MPRIP: variants seen among roughly 807,000 people sequenced by gnomAD.
MPRIP encodes the protein myosin phosphatase Rho-interacting protein.
A neutral mutation model predicts 234.9 loss-of-function variants in MPRIP; 59 were observed. That is an observed-to-expected ratio of 0.25 (90% CI 0.20 to 0.31). The LOEUF is 0.31. Among genes scored for constraint, MPRIP ranks in the 10% least tolerant of loss-of-function variants. The pLI is 1.00. For missense variants in MPRIP, 2,436 were observed against 3,071.0 expected (o/e 0.79, Z 4.89); for synonymous variants, 1,144 against 1,263.9 (o/e 0.91, Z 2.01).
In MPRIP at chr17:17,150,128, T is replaced by C. The variant is rs368891009; in HGVS notation, c.1630-16T>C. On this transcript the variant is annotated splice_polypyrimidine_tract_variant and intron_variant, in intron 11 of 23. Transcript: ENST00000651222. ...ACTTCCTAAAAATCTCAAGACATTC[T>C]CACTTCCCTCGGCAGGCAGCCGACT... 104 of 1,605,362 alleles carry C rather than the reference T, an allele frequency of 6.5e-5. No individual in the cohort carries two copies. Among genetic ancestry groups the C allele is most frequent in the Non-Finnish European group, 8.4e-5 (98 of 1,172,942 alleles).
In MPRIP at chr17:17,167,450, G is replaced by A; in HGVS notation, c.5859G>A (p.Arg1953=). 1 of 1,304,238 alleles carries A rather than the reference G, an allele frequency of 7.7e-7. No homozygotes were observed. 80.8% of individuals were successfully genotyped at this position (1,304,238 alleles called of 1,614,324 possible). A position where few individuals can be genotyped will look rare whatever the true frequency, so the allele number is the denominator to read the frequency against. Residue 1953 remains arginine, a synonymous_variant, in exon 16 of 24, where the codon CGG becomes CGA. Coordinates refer to ENST00000651222, the MANE Select transcript of MPRIP (RefSeq NM_001364716.4). This position sits in a 1 kb window ranked among gnomAD's most constrained non-coding sequence, Gnocchi z 5.9. ...TLRGRYEEEI[R]CVVEQLTRTE... The stretch of plus-strand genomic sequence containing the variant: ...GGGGCAGGTATGAGGAGGAGATTCG[G>A]TGTGTGGTGGAGCAGCTGACCAGGA...
At chr17:17,121,886 C>A (rs1461036740) in intron 3 of MPRIP, among the ~76,000 whole-genome samples, 1 of 152,162 alleles carries the variant, frequency 6.6e-6, no homozygotes, top group African/African-American at 2.4e-5. Context: ...TCATTTAGCT[C>A]CCACTTACAA....
At chr17:17,174,690 C>A (rs2144681095) in intron 19 of MPRIP, among the ~76,000 whole-genome samples, 1 of 151,946 alleles carries the variant, frequency 6.6e-6, no homozygotes, top group African/African-American at 2.4e-5. Context: ...AAAAAATTAG[C>A]TGGGTGTGGT....
intron 3 of MPRIP, among the ~76,000 whole-genome samples, chr17:17,083,099 G>A (rs1158529765): frequency 6.6e-6 from 1 of 152,210 alleles, no homozygotes; most frequent in Non-Finnish European, 1.5e-5. Context: ...TCCTAGCCTG[G>A]AGAGTCCTTG....
At chr17:17,061,948 G>A (rs552770391) in intron 1 of MPRIP, among the ~76,000 whole-genome samples, 1 of 152,116 alleles carries the variant, frequency 6.6e-6, no homozygotes, top group South Asian at 2.1e-4. Flanking sequence ...GTTACCTAGG[G>A]TATGCTTGTG....
chr17:17,155,469 C>T (rs775580063), intron 13 of MPRIP, among the ~76,000 whole-genome samples: 4 of 152,114 alleles, frequency 2.6e-5, no homozygotes, highest in Non-Finnish European at 2.9e-5. Context: ...GTCTTGAACT[C>T]GTGACCTCAG....
In MPRIP at chr17:17,158,715, C is replaced by T. The variant is rs1367276093; in HGVS notation, c.2113C>T (p.Arg705Trp). 9 of 1,610,102 alleles carry T rather than the reference C, an allele frequency of 5.6e-6. No homozygotes were observed. The highest frequency in any genetic ancestry group is 2.1e-4 in the Middle Eastern group (1 of 4,838). The stretch of plus-strand genomic sequence containing the variant: ...TGGGGAGCTGGAGCGGGAGCGTGCA[C>T]GGAGGCGGGAGGAGCGCCGCAAGCG... ...EPGELERERA[R>W]RREERRKRFG... is the part of the protein sequence containing the mutation. Residue 705 changes from arginine (R) to tryptophan (W), a missense_variant, in exon 14 of 24, where the codon CGG (arginine) becomes TGG (tryptophan). This residue lies in a region of MPRIP where 1,998 missense variants were observed against 2,520.3 expected (regional missense o/e 0.79). Transcript: ENST00000651222.
intron 3 of MPRIP, among the ~76,000 whole-genome samples, chr17:17,122,003 T>A (rs1379573066): frequency 6.6e-6 from 1 of 152,250 alleles, no homozygotes; most frequent in Non-Finnish European, 1.5e-5. Context: ...CATTCTTTTT[T>A]ATGACTACAT....
At chr17:17,150,282 C>T (rs1183403502) in intron 12 of MPRIP, 49 bp downstream of exon 12, 1 of 1,406,200 alleles carries the variant, frequency 7.1e-7, no homozygotes, top group Admixed American at 1.7e-5. Context: ...GGCAGGGATG[C>T]ATGTCAGAGT....
rs775950065 is a variant in MPRIP at position 17,175,354 on chromosome 17, G to A, written c.6812G>A (p.Gly2271Asp). ...TRLRTLLTGDGGGEATGSPLA... is the reference protein window; with the variant it reads ...TRLRTLLTGDDGGEATGSPLA... ...TTGCGGACGCTGCTGACTGGGGACG[G>A]CGGTGGGGAGGCCACTGGGTCACCC... is the stretch of plus-strand genomic sequence containing the variant. The change falls in exon 20 of 24, where the codon GGC (glycine) becomes GAC (aspartate). Residue 2271 changes from glycine to aspartate, a missense_variant. Gly to Asp is a moderately conservative substitution (Grantham distance 94, BLOSUM62 -1). This residue lies in a region of MPRIP where 1,998 missense variants were observed against 2,520.3 expected (regional missense o/e 0.79). Transcript: ENST00000651222. 5 of 1,613,370 alleles carry A rather than the reference G, an allele frequency of 3.1e-6. No homozygotes were observed. Among genetic ancestry groups the A allele is most frequent in the Non-Finnish European group, 3.4e-6 (4 of 1,180,014 alleles).
At position 17,164,977 on chromosome 17, in the gene MPRIP, C is replaced by T; in HGVS notation, c.3386C>T (p.Ala1129Val). Residue 1129 changes from alanine (A) to valine (V), a missense_variant, in exon 16 of 24, where the codon GCT (alanine) becomes GTT (valine). Ala to Val is a moderately conservative substitution (Grantham distance 64). Around this residue, in one of 4 missense-constraint regions of MPRIP, gnomAD observed 1,998 missense variants for 2,520.3 expected, o/e 0.79. Coordinates refer to ENST00000651222, the MANE Select transcript of MPRIP (RefSeq NM_001364716.4). Reference protein sequence around the residue: ...ERVATSDEDVAELREKLRRRE... With the variant: ...ERVATSDEDVVELREKLRRRE... ...GTGGCCACGTCCGACGAGGATGTGG[C>T]TGAGCTCCGGGAAAAGCTGAGGAGA... is the stretch of plus-strand genomic sequence containing the variant. 1 of 1,302,876 alleles carries T rather than the reference C, an allele frequency of 7.7e-7. No individual in the cohort carries two copies. The highest frequency in any genetic ancestry group is 1.0e-6 in the Non-Finnish European group (1 of 988,856). 80.7% of individuals were successfully genotyped at this position (1,302,876 alleles called of 1,614,324 possible). A position where few individuals can be genotyped will look rare whatever the true frequency, so the allele number is the denominator to read the frequency against.
intron 16 of MPRIP, chr17:17,169,159 C>T (rs942034190): frequency 2.6e-6 from 1 of 382,846 alleles, no homozygotes; most frequent in South Asian, 1.9e-5. Flanking sequence ...GCTATGTTTT[C>T]AAAGTGTGTG....
At chr17:17,070,790 T>A (rs1000075510) in intron 1 of MPRIP, among the ~76,000 whole-genome samples, 6 of 152,252 alleles carry the variant, frequency 3.9e-5, no homozygotes, top group Non-Finnish European at 8.8e-5. Context: ...ACCTTCCTGG[T>A]TCTTGGTATG....
rs908952743 is a variant in MPRIP, at chr17:17,167,300, G to A, written c.5709G>A (p.Leu1903=). 5.4e-6 allele frequency: 7 copies of A among 1,303,948 alleles called. No homozygotes were observed. Among genetic ancestry groups the A allele is most frequent in the African/African-American group, 3.0e-5 (2 of 65,826 alleles). The allele number at this position is 1,303,948 out of a possible 1,614,324, so 80.8% of individuals were successfully genotyped here. Residue 1903 remains leucine, a synonymous_variant, in exon 16 of 24, where the codon CTG becomes CTA. Coordinates refer to ENST00000651222, the MANE Select transcript of MPRIP (RefSeq NM_001364716.4). The surrounding 1 kb of genome is among the most constrained non-coding windows in gnomAD (Gnocchi z 5.9). Reference sequence around the variant, plus strand: ...TCCGCAAGCAGAAGAGCGAGTACCTGGATGTGATCGCCATTGTTGAAAGGG... The same window carrying A: ...TCCGCAAGCAGAAGAGCGAGTACCTAGATGTGATCGCCATTGTTGAAAGGG... ...ELLRKQKSEY[L]DVIAIVEREN... is the part of the protein sequence containing the mutation.
chr17:17,172,940 G>A, intron 18 of MPRIP, 125 bp downstream of exon 18: 1 of 750,324 alleles, frequency 1.3e-6, no homozygotes, highest in Non-Finnish European at 2.2e-6. Context: ...GCCCCTGGGT[G>A]CTGAGGGCAG....
At chr17:17,043,826 C>T (rs1277193719) in intron 1 of MPRIP, among the ~76,000 whole-genome samples, 1 of 152,170 alleles carries the variant, frequency 6.6e-6, no homozygotes, top group East Asian at 1.9e-4. Context: ...CTTGTGTGCA[C>T]CTCCTTGGGA....
chr17:17,059,121 C>T (rs553902232), intron 1 of MPRIP, among the ~76,000 whole-genome samples: 58 of 152,278 alleles, frequency 3.8e-4, no homozygotes, highest in Admixed American at 2.0e-3. Flanking sequence ...TATGTAGTCA[C>T]GTAACATATA....
intron 17 of MPRIP, among the ~76,000 whole-genome samples, chr17:17,172,106 C>A (rs1408487176): frequency 1.3e-5 from 2 of 152,254 alleles, no homozygotes; most frequent in Non-Finnish European, 2.9e-5. Context: ...CGGCTGCACA[C>A]AAGGAGCTGT....
chr17:17,078,105 C>T lies in MPRIP; in HGVS notation c.267+29C>T, dbSNP rs1219740511. On this transcript the variant is annotated intron_variant, in intron 3 of 23. Transcript: ENST00000651222. The surrounding 1 kb of genome is among the most constrained non-coding windows in gnomAD (Gnocchi z 4.3). ...AGTGTTATCCTTGCCCACTCCCTGT[C>T]CCCAGCCTTCACCAAGTCCCTCCAT... The T allele has an allele frequency of 1.2e-6, 2 of 1,611,394 alleles. No homozygotes were observed. The highest frequency in any genetic ancestry group is 1.7e-6 in the Non-Finnish European group (2 of 1,177,724).
Sources: allele counts gnomAD v4.1 joint callset (sites outside exome capture counted in the v4.1 genomes callset), GRCh38; gene constraint gnomAD v4.1.1; regional missense constraint gnomAD v4.1.1; non-coding constraint Gnocchi (gnomAD v3.1); transcripts MANE v1.5; gene names NCBI Gene and HGNC (gene_info 2026-07-23, HGNC 2026-07-21).